Variants in CTNND2 observed in about 807,000 individuals in gnomAD.
The protein encoded by CTNND2 is catenin delta-2.
CTNND2 carries 22 observed loss-of-function variants against 144.4 expected under a neutral mutation model. The observed-to-expected ratio is 0.15, with a 90% CI of 0.11 to 0.22. The LOEUF (loss-of-function observed/expected upper bound fraction) is 0.22. Among genes scored for constraint, CTNND2 ranks in the 10% least tolerant of loss-of-function variants. The pLI is 1.00. For synonymous variants in CTNND2, 751 were observed against 695.6 expected (o/e 1.08, Z -1.25); for missense variants, 1,353 against 1,618.8 (o/e 0.84, Z 2.82).
chr5:11,167,183 A>G (rs1759420092), intron 11 of CTNND2, among the ~76,000 whole-genome samples: 1 of 152,180 alleles, frequency 6.6e-6, no homozygotes, highest in African/African-American at 2.4e-5. Flanking sequence ...AGGGCCTCTG[A>G]GGCTGATAGG....
At chr5:11,016,855 C>T (rs550562818) in intron 18 of CTNND2, among the ~76,000 whole-genome samples, 2 of 152,236 alleles carry the variant, frequency 1.3e-5, no homozygotes, top group African/African-American at 4.8e-5. Flanking sequence ...ACCTCAACCT[C>T]TGCCTCCCAG....
chr5:11,412,247 T>C (rs1171828471), intron 3 of CTNND2, among the ~76,000 whole-genome samples, 178 bp from the exon 4 acceptor site: 1 of 152,188 alleles, frequency 6.6e-6, no homozygotes, highest in Middle Eastern at 3.2e-3. Context: ...ATCCATTTGC[T>C]GTATATCCCT....
At chr5:11,762,102 A>C (rs1195943427) in intron 1 of CTNND2, among the ~76,000 whole-genome samples, 1 of 152,194 alleles carries the variant, frequency 6.6e-6, no homozygotes, top group East Asian at 1.9e-4. Context: ...GCTTACTGAT[A>C]TAACTGGATG....
chr5:11,149,152 G>A (rs1276759886), intron 12 of CTNND2, among the ~76,000 whole-genome samples: 2 of 152,228 alleles, frequency 1.3e-5, no homozygotes, highest in Non-Finnish European at 2.9e-5. Context: ...AGGACACGAT[G>A]CTTTTGCTTA....
intron 3 of CTNND2, among the ~76,000 whole-genome samples, chr5:11,539,782 C>T (rs927274694): frequency 6.6e-6 from 1 of 152,184 alleles, no homozygotes; most frequent in Non-Finnish European, 1.5e-5. Flanking sequence ...GCCTGTAATC[C>T]CAGCACTTTG....
chr5:11,003,116 AC>A (rs1740124761), intron 18 of CTNND2, among the ~76,000 whole-genome samples: 1 of 152,216 alleles, frequency 6.6e-6, no homozygotes, highest in Non-Finnish European at 1.5e-5. Context: ...TACTGAAGTC[AC>A]AAACACAAGC....
intron 1 of CTNND2, among the ~76,000 whole-genome samples, chr5:11,753,067 C>T (rs925602353): frequency 1.3e-5 from 2 of 151,704 alleles, no homozygotes; most frequent in Admixed American, 6.6e-5. Context: ...GTAAGATCTA[C>T]GAGCTCTGGG....
At chr5:11,023,419 T>C (rs1338100564) in intron 16 of CTNND2, among the ~76,000 whole-genome samples, 1 of 152,242 alleles carries the variant, frequency 6.6e-6, no homozygotes. Flanking sequence ...GTATGGGAAT[T>C]CTAACATAAC....
At chr5:11,605,249 C>T (rs1779988210) in intron 2 of CTNND2, among the ~76,000 whole-genome samples, 1 of 152,176 alleles carries the variant, frequency 6.6e-6, no homozygotes, top group Non-Finnish European at 1.5e-5. Context: ...ACTAAATGAA[C>T]ATACACATAT....
chr5:11,148,114 A>G (rs1561383865), intron 12 of CTNND2, among the ~76,000 whole-genome samples: 1 of 152,364 alleles, frequency 6.6e-6, no homozygotes, highest in East Asian at 1.9e-4. Flanking sequence ...AAATATGCAG[A>G]AGAGATAGAT....
chr5:11,678,645 A>G (rs1784285908), intron 2 of CTNND2, among the ~76,000 whole-genome samples: 1 of 152,246 alleles, frequency 6.6e-6, no homozygotes, highest in African/African-American at 2.4e-5. Flanking sequence ...TCCATCTCAC[A>G]CAAATTAATC....
intron 1 of CTNND2, among the ~76,000 whole-genome samples, chr5:11,850,517 T>C (rs1033595361): frequency 4.6e-5 from 7 of 152,304 alleles, no homozygotes; most frequent in African/African-American, 1.7e-4. Context: ...TGTAATAAAT[T>C]ATTAAATTGG....
chr5:11,714,922 A>G (rs4510583), intron 2 of CTNND2, among the ~76,000 whole-genome samples: 5,962 of 152,078 alleles, frequency 0.039, 200 homozygotes, highest in African/African-American at 0.09. Flanking sequence ...CAAAAAAAAA[A>G]AAAGAAAGAA....
chr5:11,857,219 G>A (rs1449679597), intron 1 of CTNND2, among the ~76,000 whole-genome samples: 2 of 152,172 alleles, frequency 1.3e-5, no homozygotes, highest in Non-Finnish European at 2.9e-5. Context: ...ATAGAGGAAT[G>A]GTCCTCCCTA....
intron 3 of CTNND2, among the ~76,000 whole-genome samples, chr5:11,473,721 C>G (rs542982868): frequency 1.7e-4 from 26 of 152,272 alleles, no homozygotes; most frequent in African/African-American, 6.0e-4. Flanking sequence ...GCAAACAGAC[C>G]AATGGGTGAG....
In CTNND2 at chr5:11,012,559, G is replaced by A. The variant is rs900494122; in HGVS notation, c.3084+5415C>T. On this transcript the variant is annotated intron_variant, in intron 18 of 21. Transcript: ENST00000304623. ...TAGCGCATCTGAAACCTGGTGAATC[G>A]GAGGGCTACTCATGGTGTTCCGCCC... Among the ~76,000 whole-genome samples the A allele has an allele frequency of 3.7e-4, 57 of 152,266 alleles. 1 individual carries two copies. Among genetic ancestry groups the A allele is most frequent in the African/African-American group, 1.3e-3 (54 of 41,554 alleles).
chr5:11,395,119 C>A (rs2149813502), intron 6 of CTNND2, among the ~76,000 whole-genome samples: 1 of 152,230 alleles, frequency 6.6e-6, no homozygotes, highest in South Asian at 2.1e-4. Context: ...GGGATCTGAA[C>A]AATAGTGTCA....
chr5:11,583,778 A>G (rs1361729512), intron 2 of CTNND2, among the ~76,000 whole-genome samples: 1 of 152,232 alleles, frequency 6.6e-6, no homozygotes, highest in East Asian at 1.9e-4. Context: ...GAGATAAAAT[A>G]AGTTCCTAAA....
At chr5:11,873,871 G>A (rs868481670) in intron 1 of CTNND2, among the ~76,000 whole-genome samples, 6 of 152,290 alleles carry the variant, frequency 3.9e-5, no homozygotes, top group Admixed American at 6.5e-5. Flanking sequence ...ATCCCAAAGC[G>A]GGACCAGCTG....
Sources: allele counts gnomAD v4.1 joint callset (sites outside exome capture counted in the v4.1 genomes callset), GRCh38; gene constraint gnomAD v4.1.1; transcripts MANE v1.5; gene names NCBI Gene and HGNC (gene_info 2026-07-23, HGNC 2026-07-21).